The following RAB27B variants were observed in gnomAD, a reference collection of about 807,000 sequenced individuals.
RAB27B encodes ras-related protein Rab-27B.
RAB27B carries 15 observed loss-of-function variants against 24.6 expected under a neutral mutation model. The ratio of observed to expected loss-of-function variants is 0.61; its 90% CI spans 0.41 to 0.94. The LOEUF (loss-of-function observed/expected upper bound fraction) is 0.94, where lower values mean the gene tolerates loss of function less well. Ranked by LOEUF, RAB27B falls within the 40% of genes least tolerant of loss-of-function variation. RAB27B has a pLI of 0.00. For synonymous variants in RAB27B, 105 were observed against 92.5 expected (o/e 1.14, Z -0.78); for missense variants, 261 against 266.8 (o/e 0.98, Z 0.15).
intron 2 of RAB27B, among the ~76,000 whole-genome samples, chr18:54,726,022 C>T (rs541357671): frequency 1.3e-5 from 2 of 151,670 alleles, no homozygotes; most frequent in African/African-American, 4.8e-5. Context: ...ATGAGACCTG[C>T]AGATGTCCTG....
chr18:54,779,209 G>A (rs1055037158), intron 2 of RAB27B, among the ~76,000 whole-genome samples: 1 of 152,074 alleles, frequency 6.6e-6, no homozygotes, highest in Non-Finnish European at 1.5e-5. Flanking sequence ...TTAAATAGCG[G>A]TTATTTCTTC....
chr18:54,755,757 A>G (rs1246307572), intron 2 of RAB27B, among the ~76,000 whole-genome samples: 1 of 152,250 alleles, frequency 6.6e-6, no homozygotes. Flanking sequence ...AAAATCAATA[A>G]TAGCAAATGC....
At chr18:54,879,692 C>G in intron 3 of RAB27B, 1 of 459,990 alleles carries the variant, frequency 2.2e-6, no homozygotes, top group Admixed American at 3.4e-5. Flanking sequence ...AAGATTCTTG[C>G]TATGCACTGT....
intron 1 of RAB27B, among the ~76,000 whole-genome samples, chr18:54,868,603 C>CATT (rs1555666518): frequency 6.6e-6 from 1 of 150,922 alleles, no homozygotes; most frequent in Admixed American, 6.6e-5. Context: ...CTCTCAGTTT[C>CATT]GTTGTTGTTG....
chr18:54,731,105 A>T (rs969792266), intron 2 of RAB27B, among the ~76,000 whole-genome samples: 1 of 152,228 alleles, frequency 6.6e-6, no homozygotes, highest in Non-Finnish European at 1.5e-5. Flanking sequence ...TAACAAGCAG[A>T]TATGAAATGA....
intron 5 of RAB27B, among the ~76,000 whole-genome samples, chr18:54,888,351 AT>A (rs1913230918): frequency 6.6e-6 from 1 of 152,172 alleles, no homozygotes. Context: ...ACATTAACTC[AT>A]TTTAACCCAT....
At chr18:54,818,727 T>A (rs1029484278) in intron 2 of RAB27B, among the ~76,000 whole-genome samples, 1 of 152,160 alleles carries the variant, frequency 6.6e-6, no homozygotes, top group African/African-American at 2.4e-5. Flanking sequence ...GGAGAGAGGT[T>A]TGAATGCTCT....
chr18:54,817,951 G>A (rs1568078740), intron 2 of RAB27B, among the ~76,000 whole-genome samples: 1 of 152,014 alleles, frequency 6.6e-6, no homozygotes, highest in South Asian at 2.1e-4. Context: ...GGGAGGAAAC[G>A]GCAAAATAGA....
chr18:54,864,931 G>A (rs59316276), intron 1 of RAB27B, among the ~76,000 whole-genome samples: 1 of 151,970 alleles, frequency 6.6e-6, no homozygotes, highest in Non-Finnish European at 1.5e-5. Context: ...TGTGATTTTT[G>A]TGAAAAGGCA....
chr18:54,771,495 G>T (rs1339128822), intron 2 of RAB27B, among the ~76,000 whole-genome samples: 1 of 151,980 alleles, frequency 6.6e-6, no homozygotes, highest in African/African-American at 2.4e-5. Context: ...ATTTTGAATT[G>T]CCTAATAATA....
chr18:54,759,735 T>C (rs1169792516), intron 2 of RAB27B, among the ~76,000 whole-genome samples: 2 of 152,062 alleles, frequency 1.3e-5, no homozygotes. Context: ...AGCAGAGTGA[T>C]AGGGAAGAAG....
chr18:54,877,562 T>C lies in RAB27B; in HGVS notation c.-19-5T>C. The C allele has an allele frequency of 3.4e-6, 5 of 1,492,130 alleles. No homozygotes were observed. The highest frequency in any genetic ancestry group is 4.4e-6 in the Non-Finnish European group (5 of 1,127,846). The allele number at this position is 1,492,130 out of a possible 1,614,324, so 92.4% of individuals were successfully genotyped here. Reference sequence around the variant, plus strand: ...AAACATACTTGTTTTCCCTCTCCTATACAGACCGACCAAGACCATCACTAT... The same window carrying C: ...AAACATACTTGTTTTCCCTCTCCTACACAGACCGACCAAGACCATCACTAT... On this transcript the variant is annotated splice_region_variant and splice_polypyrimidine_tract_variant and intron_variant, in intron 1 of 5. Coordinates refer to ENST00000262094, the MANE Select transcript of RAB27B (RefSeq NM_004163.4).
intron 2 of RAB27B, among the ~76,000 whole-genome samples, chr18:54,765,638 G>T (rs1598888031): frequency 6.6e-6 from 1 of 152,138 alleles, no homozygotes; most frequent in Non-Finnish European, 1.5e-5. Context: ...CTTACTTGTT[G>T]CATGTCTTGT....
At chr18:54,885,694 G>C (rs946692739) in intron 4 of RAB27B, among the ~76,000 whole-genome samples, 20 of 151,858 alleles carry the variant, frequency 1.3e-4, no homozygotes, top group African/African-American at 4.6e-4. Flanking sequence ...TGTATTTTTT[G>C]GTTTACTTGT....
At chr18:54,737,541 C>A (rs1449702053) in intron 2 of RAB27B, among the ~76,000 whole-genome samples, 1 of 152,056 alleles carries the variant, frequency 6.6e-6, no homozygotes, top group Non-Finnish European at 1.5e-5. Context: ...ATATATTTAT[C>A]CAACTCTGTT....
Position 54,846,217 on chromosome 18 carries a change from C to T in RAB27B, c.-20+17517C>T, listed in dbSNP as rs538576031. ...CAGGCATGAGTTATAGTGCTGTTGA[C>T]GATGAGTTCAGTGTTAACAAATCAA... On this transcript the variant is annotated intron_variant, in intron 1 of 5. Transcript: ENST00000262094. Among the ~76,000 whole-genome samples the T allele has an allele frequency of 5.8e-4, 89 of 152,186 alleles. 2 individuals carry two copies. The South Asian group carries it at 0.011, about 19-fold the overall frequency.
chr18:54,865,315 A>G (rs936827451), intron 1 of RAB27B, among the ~76,000 whole-genome samples: 1 of 150,118 alleles, frequency 6.7e-6, no homozygotes, highest in African/African-American at 2.5e-5. Flanking sequence ...TGTTTGATAA[A>G]AACTTACTAG....
At position 54,879,470 on chromosome 18, in the gene RAB27B, T is replaced by C. The variant is rs750833245; in HGVS notation, c.239+16T>C. 9 of 1,593,002 alleles carry C rather than the reference T, an allele frequency of 5.6e-6. No homozygotes were observed. In the Admixed American group the frequency reaches 1.3e-4, roughly 24 times the overall value. On this transcript the variant is annotated intron_variant, in intron 3 of 5. Transcript: ENST00000262094. ...GACAAGAGCGGTAATAGTAAATTGC[T>C]TTATTTGTGGCTACACATAGCTTAG...
intron 2 of RAB27B, among the ~76,000 whole-genome samples, chr18:54,815,857 C>T (rs1318148872): frequency 2.0e-5 from 3 of 152,086 alleles, no homozygotes; most frequent in Non-Finnish European, 2.9e-5. Context: ...CTCCTGACCT[C>T]AAGTGATCCA....
Sources: gnomAD v4.1 joint callset for allele counts (sites outside exome capture counted in the v4.1 genomes callset) on GRCh38, gnomAD v4.1.1 for gene constraint, MANE v1.5 for transcripts, NCBI Gene and HGNC (gene_info 2026-07-23, HGNC 2026-07-21) for gene names.